The following DSCAM variants were observed in gnomAD, a reference collection of about 807,000 sequenced individuals.
DSCAM encodes the protein DS cell adhesion molecule.
In DSCAM, 47 loss-of-function variants were observed where a neutral mutation model predicts 217.7. The ratio of observed to expected loss-of-function variants is 0.22; its 90% CI spans 0.17 to 0.28. The LOEUF is 0.28. Among genes scored for constraint, DSCAM ranks in the 10% least tolerant of loss-of-function variants. The pLI, the probability that DSCAM is intolerant of heterozygous loss-of-function variation, is 1.00. For missense variants in DSCAM, 2,080 were observed against 2,618.3 expected (o/e 0.79, Z 4.49); for synonymous variants, 1,056 against 1,015.3 (o/e 1.04, Z -0.76).
At chr21:40,262,653 T>G (rs1354598967) in intron 11 of DSCAM, among the ~76,000 whole-genome samples, 2 of 152,198 alleles carry the variant, frequency 1.3e-5, no homozygotes, top group African/African-American at 2.4e-5. Flanking sequence ...TGAAGGCATC[T>G]CATTGTTTCC....
chr21:40,440,165 C>A (rs1054113441), intron 3 of DSCAM, among the ~76,000 whole-genome samples: 4 of 152,236 alleles, frequency 2.6e-5, no homozygotes, highest in Non-Finnish European at 4.4e-5. Context: ...ATCCATGATG[C>A]TAGCCCTTTG....
At chr21:40,029,156 C>CTTTGATTACAGTACCCATTA (rs1341424555) in intron 32 of DSCAM, among the ~76,000 whole-genome samples, 1 of 152,074 alleles carries the variant, frequency 6.6e-6, no homozygotes, top group Non-Finnish European at 1.5e-5. Flanking sequence ...GCTTCCAATT[C>CTTTGATTACAGTACCCATTA]TTGGTTTCAG....
At chr21:40,158,384 A>T (rs919767932) in intron 16 of DSCAM, among the ~76,000 whole-genome samples, 8 of 152,058 alleles carry the variant, frequency 5.3e-5, no homozygotes, top group African/African-American at 1.9e-4. Context: ...GTAGAGTGAG[A>T]CCCTGTCTCA....
chr21:40,079,813 G>A (rs1373186428), intron 25 of DSCAM, among the ~76,000 whole-genome samples: 1 of 41,192 alleles, frequency 2.4e-5, no homozygotes, highest in Non-Finnish European at 8.6e-5. Context: ...GTGGGAGCAA[G>A]GGTGGCTAAG....
chr21:40,070,553 A>C (rs1270239114), intron 27 of DSCAM, among the ~76,000 whole-genome samples: 1 of 152,190 alleles, frequency 6.6e-6, no homozygotes, highest in Non-Finnish European at 1.5e-5. Context: ...CATGTGTGCT[A>C]CTCATGCATT....
chr21:40,314,603 T>C (rs1408436657), intron 8 of DSCAM, among the ~76,000 whole-genome samples: 2 of 152,228 alleles, frequency 1.3e-5, no homozygotes, highest in African/African-American at 4.8e-5. Context: ...ACTATATATG[T>C]AAATATTATT....
rs1477923059 is a variant in DSCAM at position 40,144,851 on chromosome 21, C to T, written c.3019-120G>A. ...TGGAGTCATCGCCACGATGCTGGGG[C>T]GGTGGTCCGGTAGCAGCCGCAAACC... On this transcript the variant is annotated intron_variant, in intron 16 of 32. Transcript: ENST00000400454. This position sits in a 1 kb window ranked among gnomAD's most constrained non-coding sequence, Gnocchi z 4.8. The T allele has an allele frequency of 3.5e-6, 5 of 1,420,730 alleles. No individual in the cohort carries two copies. The highest frequency in any genetic ancestry group is 1.4e-5 in the African/African-American group (1 of 70,104). 88.0% of individuals were successfully genotyped at this position (1,420,730 alleles called of 1,614,324 possible). A position where few individuals can be genotyped will look rare whatever the true frequency, so the allele number is the denominator to read the frequency against.
intron 1 of DSCAM, among the ~76,000 whole-genome samples, chr21:40,718,455 G>A (rs1308664837): frequency 6.6e-6 from 1 of 152,214 alleles, no homozygotes; most frequent in African/African-American, 2.4e-5. Context: ...AAATCCTGGT[G>A]GAAGGCAAGG....
rs1245158115 is a variant in DSCAM at position 40,112,655 on chromosome 21, T to C, written c.3696+11540A>G. Among the ~76,000 whole-genome samples, 7 of 151,848 alleles carry C rather than the reference T, an allele frequency of 4.6e-5. No homozygotes were observed. The East Asian group carries it at 9.7e-4, about 21-fold the overall frequency. ...TGGTTTTTTGAAAAGATCAACAAAA[T>C]TGATAGACCGCTAGCAAGACTAATA... On this transcript the variant is annotated intron_variant, in intron 20 of 32. Coordinates refer to ENST00000400454, the MANE Select transcript of DSCAM (RefSeq NM_001389.5).
intron 11 of DSCAM, among the ~76,000 whole-genome samples, chr21:40,248,425 C>A (rs1039788214): frequency 6.6e-6 from 1 of 152,310 alleles, no homozygotes; most frequent in South Asian, 2.1e-4. Context: ...CCACCAGATA[C>A]CCTAAACCAT....
At position 40,693,053 on chromosome 21, in the gene DSCAM, C is replaced by A. The variant is rs141887586; in HGVS notation, c.362-97G>T. On this transcript the variant is annotated intron_variant, in intron 2 of 32. Transcript: ENST00000400454. ...TATATACACTGCAGCACACACACAT[C>A]AATTGCATAACATATCTTTCTGGAA... The A allele has an allele frequency of 6.6e-4, 879 of 1,324,558 alleles. 1 individual carries two copies. Among genetic ancestry groups the A allele is most frequent in the Non-Finnish European group, 8.6e-4 (841 of 979,070 alleles). The allele number at this position is 1,324,558 out of a possible 1,614,324, so 82.1% of individuals were successfully genotyped here.
chr21:40,165,144 C>G (rs2146768171), intron 16 of DSCAM, among the ~76,000 whole-genome samples: 2 of 152,344 alleles, frequency 1.3e-5, no homozygotes, highest in South Asian at 4.1e-4. Context: ...AGATGTGGGG[C>G]TCCCTCTTTG....
intron 32 of DSCAM, among the ~76,000 whole-genome samples, chr21:40,028,780 C>G (rs1051087265): frequency 4.6e-5 from 7 of 152,148 alleles, no homozygotes; most frequent in Admixed American, 4.6e-4. Context: ...ATGGAAATGC[C>G]GAGATCACCC....
At chr21:40,524,983 C>T (rs2076388712) in intron 3 of DSCAM, among the ~76,000 whole-genome samples, 1 of 133,276 alleles carries the variant, frequency 7.5e-6, no homozygotes, top group Non-Finnish European at 1.5e-5. Flanking sequence ...GCATTCCAGC[C>T]TGGGCAACAG....
chr21:40,671,682 A>G (rs2090276652), intron 3 of DSCAM, among the ~76,000 whole-genome samples: 1 of 110,698 alleles, frequency 9.0e-6, no homozygotes. Flanking sequence ...GAGCAAGATG[A>G]TTCCTTAAAC....
chr21:40,036,789 C>A (rs2088633443), intron 32 of DSCAM, among the ~76,000 whole-genome samples: 1 of 146,456 alleles, frequency 6.8e-6, no homozygotes. Flanking sequence ...CAGACCGAAT[C>A]CAGCAGCACA....
At chr21:40,335,790 C>T (rs1462109032) in intron 8 of DSCAM, among the ~76,000 whole-genome samples, 2 of 152,130 alleles carry the variant, frequency 1.3e-5, no homozygotes, top group Non-Finnish European at 2.9e-5. Context: ...TTTAGGTGAT[C>T]TGTAAGAAGA....
intron 3 of DSCAM, among the ~76,000 whole-genome samples, chr21:40,575,708 G>C (rs1307763682): frequency 1.3e-5 from 2 of 151,830 alleles, no homozygotes; most frequent in African/African-American, 2.4e-5. Flanking sequence ...CTAATAAATA[G>C]GTAGGCAGGC....
chr21:40,599,859 A>G (rs1448188301), intron 3 of DSCAM, among the ~76,000 whole-genome samples: 1 of 152,194 alleles, frequency 6.6e-6, no homozygotes, highest in African/African-American at 2.4e-5. Context: ...AATCTAGAAG[A>G]AATGGATAAA....
Sources: allele counts gnomAD v4.1 joint callset (sites outside exome capture counted in the v4.1 genomes callset), GRCh38; gene constraint gnomAD v4.1.1; non-coding constraint Gnocchi (gnomAD v3.1); transcripts MANE v1.5; gene names NCBI Gene and HGNC (gene_info 2026-07-23, HGNC 2026-07-21).